Variants in SHB observed in about 807,000 individuals in gnomAD.
The protein encoded by SHB is SH2 domain-containing adapter protein B.
SHB carries 20 observed loss-of-function variants against 52.3 expected under a neutral mutation model. That is an observed-to-expected ratio of 0.38 (90% CI 0.27 to 0.56). The LOEUF (loss-of-function observed/expected upper bound fraction) is 0.56, where lower values mean the gene tolerates loss of function less well. Among genes scored for constraint, SHB ranks in the 20% least tolerant of loss-of-function variants. SHB has a pLI of 0.71. For synonymous variants in SHB, 397 were observed against 316.5 expected, an observed-to-expected ratio of 1.25 and a Z score of -2.70; for missense variants, 825 against 723.3, an observed-to-expected ratio of 1.14 and a Z score of -1.61.
At chr9:37,993,065 AG>A (rs1395320532) in intron 2 of SHB, among the ~76,000 whole-genome samples, 16 of 152,200 alleles carry the variant, frequency 1.1e-4, no homozygotes, top group African/African-American at 3.9e-4. Context: ...GGTGAGCGAC[AG>A]GTGAAGAGAT....
chr9:37,988,120 A>C (rs1045877031), intron 2 of SHB, among the ~76,000 whole-genome samples: 1 of 152,234 alleles, frequency 6.6e-6, no homozygotes, highest in South Asian at 2.1e-4. Flanking sequence ...CAACTTGCTG[A>C]GATCTTGGCA....
At chr9:38,066,602 C>A (rs1206873627) in intron 1 of SHB, among the ~76,000 whole-genome samples, 1 of 152,130 alleles carries the variant, frequency 6.6e-6, no homozygotes, top group Non-Finnish European at 1.5e-5. Flanking sequence ...TCCAAGCTTC[C>A]GAGGGGTGCC....
chr9:37,960,406 AG>A (rs1234173967), intron 3 of SHB, among the ~76,000 whole-genome samples: 1 of 152,226 alleles, frequency 6.6e-6, no homozygotes, highest in Admixed American at 6.5e-5. Context: ...GTGAGTCATT[AG>A]AATGACAGAA....
intron 3 of SHB, among the ~76,000 whole-genome samples, chr9:37,956,853 T>C (rs898444919): frequency 7.9e-5 from 12 of 152,204 alleles, no homozygotes; most frequent in African/African-American, 1.9e-4. Flanking sequence ...AGCACCCATC[T>C]CATGGGGATT....
intron 3 of SHB, 82 bp downstream of exon 3, chr9:37,974,540 T>C: frequency 8.4e-7 from 1 of 1,185,700 alleles, no homozygotes; most frequent in Non-Finnish European, 1.2e-6. Flanking sequence ...CCCTGGAGTT[T>C]GTCCTGAGCG....
At chr9:37,980,957 G>C (rs1394752562) in intron 2 of SHB, among the ~76,000 whole-genome samples, 2 of 152,192 alleles carry the variant, frequency 1.3e-5, no homozygotes, top group African/African-American at 2.4e-5. Context: ...TGTAAACAGA[G>C]GAACTGCCAT....
At chr9:37,990,399 T>C (rs890179834) in intron 2 of SHB, among the ~76,000 whole-genome samples, 2 of 152,190 alleles carry the variant, frequency 1.3e-5, no homozygotes, top group Non-Finnish European at 2.9e-5. Context: ...CAAGTTCCAG[T>C]CGAATCCACT....
At chr9:38,049,468 G>C (rs1048109874) in intron 1 of SHB, among the ~76,000 whole-genome samples, 5 of 152,014 alleles carry the variant, frequency 3.3e-5, no homozygotes, top group Non-Finnish European at 7.4e-5. Context: ...AAAATTGGCT[G>C]GGTGCGGTGA....
intron 2 of SHB, chr9:38,015,360 A>G: frequency 1.4e-6 from 1 of 700,204 alleles, no homozygotes; most frequent in Non-Finnish European, 2.6e-6. Flanking sequence ...ATAGGCCCCC[A>G]GGATGCTGCA....
chr9:37,948,286 T>C (rs1832517544), intron 5 of SHB, among the ~76,000 whole-genome samples: 1 of 152,164 alleles, frequency 6.6e-6, no homozygotes, highest in South Asian at 2.1e-4. Flanking sequence ...CGACGATATG[T>C]TCCTCAAAAA....
At chr9:38,063,336 T>G (rs1287216297) in intron 1 of SHB, among the ~76,000 whole-genome samples, 1 of 152,224 alleles carries the variant, frequency 6.6e-6, no homozygotes, top group Admixed American at 6.5e-5. Context: ...AATTCACAAC[T>G]CCGCAGCAAG....
At chr9:38,011,233 A>T (rs1029667798) in intron 2 of SHB, among the ~76,000 whole-genome samples, 4 of 152,206 alleles carry the variant, frequency 2.6e-5, no homozygotes, top group African/African-American at 7.2e-5. Flanking sequence ...CCTCAACAGG[A>T]GGCTTGGCCT....
chr9:38,068,616 G>C lies in SHB; in HGVS notation c.30C>G (p.Ser10Arg), dbSNP rs1421560890. ...GGCTCTTGGTCTTGCTGTTGCCCAAGCTGAAGTACTTGTTTAGCCACTTGG... is the reference window on the plus strand; with the variant it reads ...GGCTCTTGGTCTTGCTGTTGCCCAACCTGAAGTACTTGTTTAGCCACTTGG... The part of the protein sequence containing the change: MAKWLNKYF[S>R]LGNSKTKSPP... Residue 10 changes from serine to arginine, a missense_variant, in exon 1 of 6, where the codon AGC (serine) becomes AGG (arginine). Transcript: ENST00000377707. 6.7e-7 allele frequency: 1 copy of C among 1,488,904 alleles called. No homozygotes were observed. The highest frequency in any genetic ancestry group is 8.8e-7 in the Non-Finnish European group (1 of 1,129,948). The allele number at this position is 1,488,904 out of a possible 1,614,324, so 92.2% of individuals were successfully genotyped here. A position where few individuals can be genotyped will look rare whatever the true frequency, so the allele number is the denominator to read the frequency against.
chr9:37,916,792 C>T lies in SHB; in HGVS notation c.*3029G>A, dbSNP rs1041753403. On this transcript the variant is annotated 3_prime_UTR_variant, in exon 6 of 6. Coordinates refer to ENST00000377707, the MANE Select transcript of SHB (RefSeq NM_003028.3). Reference sequence around the variant, plus strand: ...ACAAAGCCTCCTTTCTTTCTGTGGGCGCCATCCTGTTTGGGGGGCTGCCAG... The same window carrying T: ...ACAAAGCCTCCTTTCTTTCTGTGGGTGCCATCCTGTTTGGGGGGCTGCCAG... Among the ~76,000 whole-genome samples the T allele has an allele frequency of 6.6e-6, 1 of 152,166 alleles. No homozygotes were observed. Among genetic ancestry groups the T allele is most frequent in the African/African-American group, 2.4e-5 (1 of 41,444 alleles).
rs7864628 is a variant in SHB at position 37,919,661 on chromosome 9, G to A, written c.*160C>T. 2,831 of 571,298 alleles carry A rather than the reference G, an allele frequency of 5.0e-3. 67 individuals carry two copies. The highest frequency in any genetic ancestry group is 0.048 in the African/African-American group (2,543 of 53,028). The allele number at this position is 571,298 out of a possible 1,614,324, so 35.4% of individuals were successfully genotyped here. ...TTTATCCAGGCCTTCTCCAGCCCCC[G>A]TAAGTGGCAACAGCATTCTAGAGAC... On this transcript the variant is annotated 3_prime_UTR_variant, in exon 6 of 6. Coordinates refer to ENST00000377707, the MANE Select transcript of SHB (RefSeq NM_003028.3).
chr9:37,975,397 T>C (rs2117969047), intron 2 of SHB, among the ~76,000 whole-genome samples: 2 of 152,306 alleles, frequency 1.3e-5, no homozygotes, highest in Middle Eastern at 6.8e-3. Context: ...TCCCTTTATT[T>C]CTACCTCCCC....
intron 3 of SHB, among the ~76,000 whole-genome samples, chr9:37,964,038 C>A (rs1832722288): frequency 6.6e-6 from 1 of 152,214 alleles, no homozygotes; most frequent in South Asian, 2.1e-4. Context: ...TTTGCTCACC[C>A]ACCTACCCCA....
chr9:38,049,823 G>C (rs1318828533), intron 1 of SHB, among the ~76,000 whole-genome samples: 1 of 146,652 alleles, frequency 6.8e-6, no homozygotes, highest in Non-Finnish European at 1.5e-5. Context: ...TTTGGAGACA[G>C]AGTCTTGCTC....
At chr9:37,936,076 C>T (rs528627965) in intron 5 of SHB, among the ~76,000 whole-genome samples, 37 of 151,072 alleles carry the variant, frequency 2.4e-4, no homozygotes, top group Admixed American at 7.9e-4. Flanking sequence ...ATTAGCCGGG[C>T]GTGGTGATGC....
Sources: allele counts gnomAD v4.1 joint callset (sites outside exome capture counted in the v4.1 genomes callset), GRCh38; gene constraint gnomAD v4.1.1; transcripts MANE v1.5; gene names NCBI Gene and HGNC (gene_info 2026-07-23, HGNC 2026-07-21).